The following ADAMTS20 variants were observed in gnomAD, a reference collection of about 807,000 sequenced individuals.
ADAMTS20 encodes the protein ADAM metallopeptidase with thrombospondin type 1 motif 20, also known as A disintegrin and metalloproteinase with thrombospondin motifs 20.
ADAMTS20 carries 225 observed loss-of-function variants against 260.1 expected under a neutral mutation model. That is an observed-to-expected ratio of 0.87 (90% CI 0.78 to 0.97). The LOEUF (loss-of-function observed/expected upper bound fraction) is 0.97. Ranked by LOEUF, ADAMTS20 falls within the 50% of genes least tolerant of loss-of-function variation. ADAMTS20 has a pLI of 0.00. For missense variants in ADAMTS20, 2,400 were observed against 2,337.7 expected, an observed-to-expected ratio of 1.03 and a Z score of -0.55; for synonymous variants, 802 against 769.5, an observed-to-expected ratio of 1.04 and a Z score of -0.70.
chr12:43,425,529 C>A lies in ADAMTS20; in HGVS notation c.4269G>T (p.Gln1423His). The change falls in exon 28 of 39, where the codon CAG (glutamine) becomes CAT (histidine). Residue 1423 changes from glutamine to histidine, a missense_variant. Coordinates refer to ENST00000389420, the MANE Select transcript of ADAMTS20 (RefSeq NM_025003.5). ...GCTATCATACCGATGTCCATGGTTC[C>A]TGATGCCATGACACATCAGCAGGGC... ...HACPADVSWH[Q>H]EPWTSCSASC... 2 of 1,531,728 alleles carry A rather than the reference C, an allele frequency of 1.3e-6. No homozygotes were observed. Among genetic ancestry groups the A allele is most frequent in the East Asian group, 2.4e-5 (1 of 41,708 alleles). The allele number at this position is 1,531,728 out of a possible 1,614,324, so 94.9% of individuals were successfully genotyped here.
intron 4 of ADAMTS20, among the ~76,000 whole-genome samples, chr12:43,500,789 A>G (rs181071897): frequency 3.9e-5 from 6 of 152,210 alleles, no homozygotes; most frequent in Admixed American, 2.0e-4. Context: ...TGTATCATAT[A>G]CTGTGTTTAG....
intron 14 of ADAMTS20, 23 bp downstream of exon 14, chr12:43,452,251 A>G: frequency 6.4e-7 from 1 of 1,573,340 alleles, no homozygotes; most frequent in Non-Finnish European, 8.6e-7. Flanking sequence ...TTTAAATCTA[A>G]TAGAAACTTA....
At chr12:43,407,141 T>A (rs1424117267) in intron 28 of ADAMTS20, among the ~76,000 whole-genome samples, 1 of 152,004 alleles carries the variant, frequency 6.6e-6, no homozygotes, top group Non-Finnish European at 1.5e-5. Context: ...TTTAAAAATA[T>A]TTACCACTGA....
In ADAMTS20 at chr12:43,369,317, A is replaced by G; in HGVS notation, c.5511T>C (p.Asp1837=). The G allele has an allele frequency of 1.3e-6, 2 of 1,556,790 alleles. No homozygotes were observed. The highest frequency in any genetic ancestry group is 2.4e-5 in the East Asian group (1 of 41,480). ...GNAVPFATAG[D]CYSAFRCPQG... ...GTGGGCATCTGAAAGCACTGTAGCAATCTCCAGCTGTGGCAAATGGAACTG... is the reference window on the plus strand; with the variant it reads ...GTGGGCATCTGAAAGCACTGTAGCAGTCTCCAGCTGTGGCAAATGGAACTG... Residue 1837 remains aspartate, a synonymous_variant, in exon 37 of 39, where the codon GAT becomes GAC. Coordinates refer to ENST00000389420, the MANE Select transcript of ADAMTS20 (RefSeq NM_025003.5).
intron 15 of ADAMTS20, among the ~76,000 whole-genome samples, chr12:43,446,080 T>G (rs1941754886): frequency 6.6e-6 from 1 of 152,076 alleles, no homozygotes; most frequent in Non-Finnish European, 1.5e-5. Context: ...TTCTGAAACA[T>G]TTAATTCAGA....
chr12:43,431,471 G>C lies in ADAMTS20; in HGVS notation c.3122C>G (p.Thr1041Arg). Residue 1041 changes from threonine (T) to arginine (R), a missense_variant, in exon 22 of 39, where the codon ACA becomes AGA. Thr to Arg is a moderately conservative substitution (Grantham distance 71). Transcript: ENST00000389420. ...SECLVTCGKG[T>R]KQRQVWCQLN... ...CTGACACCATACCTGCCGCTGCTTTGTTCCTTTACCACATGTAACAAGGCA... is the reference window on the plus strand; with the variant it reads ...CTGACACCATACCTGCCGCTGCTTTCTTCCTTTACCACATGTAACAAGGCA... The C allele has an allele frequency of 6.2e-7, 1 of 1,613,914 alleles. No homozygotes were observed. The highest frequency in any genetic ancestry group is 8.5e-7 in the Non-Finnish European group (1 of 1,179,846).
At chr12:43,427,236 T>C (rs958173954) in intron 27 of ADAMTS20, 72 bp downstream of exon 27, 28 of 1,525,302 alleles carry the variant, frequency 1.8e-5, no homozygotes, top group Non-Finnish European at 2.4e-5. Context: ...TATTGAACAG[T>C]ATAAGATGCT....
chr12:43,390,922 T>C (rs1940583234), intron 29 of ADAMTS20, among the ~76,000 whole-genome samples: 1 of 152,232 alleles, frequency 6.6e-6, no homozygotes, highest in African/African-American at 2.4e-5. Flanking sequence ...CAAAACCACT[T>C]CTGTATTTTA....
At chr12:43,536,091 A>G (rs1458053410) in intron 2 of ADAMTS20, among the ~76,000 whole-genome samples, 1 of 151,992 alleles carries the variant, frequency 6.6e-6, no homozygotes, top group Non-Finnish European at 1.5e-5. Context: ...ATTCATTCCT[A>G]TACATATTTT....
chr12:43,534,836 T>C (rs1034606402), intron 2 of ADAMTS20, among the ~76,000 whole-genome samples: 1 of 152,182 alleles, frequency 6.6e-6, no homozygotes, highest in Non-Finnish European at 1.5e-5. Context: ...GAAGGATTAT[T>C]AGGAACAGTG....
chr12:43,469,519 C>A (rs1249219729), intron 7 of ADAMTS20, among the ~76,000 whole-genome samples: 1 of 152,032 alleles, frequency 6.6e-6, no homozygotes, highest in African/African-American at 2.4e-5. Context: ...GTTAGTTTTT[C>A]ATTTACTTAT....
intron 2 of ADAMTS20, among the ~76,000 whole-genome samples, chr12:43,537,018 A>G (rs965279363): frequency 6.6e-6 from 1 of 152,204 alleles, no homozygotes; most frequent in Admixed American, 6.5e-5. Flanking sequence ...CTTTGAAATC[A>G]TTGTTTTAAA....
chr12:43,493,933 T>C (rs1459094867), intron 4 of ADAMTS20, among the ~76,000 whole-genome samples: 2 of 152,198 alleles, frequency 1.3e-5, no homozygotes, highest in Non-Finnish European at 2.9e-5. Context: ...GATTGGAGAA[T>C]GTTAGGCACT....
intron 3 of ADAMTS20, among the ~76,000 whole-genome samples, chr12:43,527,800 C>T (rs1378185203): frequency 6.6e-6 from 1 of 152,006 alleles, no homozygotes; most frequent in Non-Finnish European, 1.5e-5. Flanking sequence ...CCCACTTTTA[C>T]CACTTCTACT....
At chr12:43,469,101 C>T (rs879885971) in intron 7 of ADAMTS20, among the ~76,000 whole-genome samples, 1 of 152,006 alleles carries the variant, frequency 6.6e-6, no homozygotes, top group Non-Finnish European at 1.5e-5. Flanking sequence ...AAAAATGGCA[C>T]AGAACTCTAC....
chr12:43,514,097 A>G (rs1942963423), intron 3 of ADAMTS20, among the ~76,000 whole-genome samples: 1 of 150,416 alleles, frequency 6.6e-6, no homozygotes, highest in African/African-American at 2.4e-5. Flanking sequence ...AAAAAAAAAA[A>G]AAAAAAAAAA....
intron 18 of ADAMTS20, among the ~76,000 whole-genome samples, chr12:43,436,399 C>T (rs1941555544): frequency 6.6e-6 from 1 of 151,772 alleles, no homozygotes; most frequent in East Asian, 1.9e-4. Flanking sequence ...GAATGTGAAC[C>T]ACATCTGGAA....
intron 11 of ADAMTS20, among the ~76,000 whole-genome samples, chr12:43,455,137 G>A (rs1436229278): frequency 3.3e-5 from 5 of 152,040 alleles, no homozygotes; most frequent in Admixed American, 3.3e-4. Context: ...CATACAATTG[G>A]AATCATATAG....
At chr12:43,528,900 G>T (rs1388622421) in intron 3 of ADAMTS20, among the ~76,000 whole-genome samples, 1 of 152,032 alleles carries the variant, frequency 6.6e-6, no homozygotes, top group African/African-American at 2.4e-5. Flanking sequence ...TGCAAACTAT[G>T]CATCTGACAA....
Sources: allele counts gnomAD v4.1 joint callset (sites outside exome capture counted in the v4.1 genomes callset), GRCh38; gene constraint gnomAD v4.1.1; transcripts MANE v1.5; gene names NCBI Gene and HGNC (gene_info 2026-07-23, HGNC 2026-07-21).